Variants in PACRG observed in about 807,000 individuals in gnomAD.
The protein encoded by PACRG is parkin coregulated.
PACRG carries 29 observed loss-of-function variants against 29.7 expected under a neutral mutation model. The observed-to-expected ratio is 0.98, with a 90% CI of 0.73 to 1.33. The LOEUF is 1.33. Ranked by LOEUF, PACRG falls within the 40% of genes most tolerant of loss-of-function variation. The probability of loss-of-function intolerance (pLI) is 0.00; values close to 1 mark genes in which losing one functional copy is unlikely to be tolerated. For synonymous variants in PACRG, 116 were observed against 118.7 expected (o/e 0.98, Z 0.15); for missense variants, 279 against 316.2 (o/e 0.88, Z 0.89).
At chr6:162,785,498 G>T (rs557467711) in intron 1 of PACRG, among the ~76,000 whole-genome samples, 1 of 149,712 alleles carries the variant, frequency 6.7e-6, no homozygotes, top group East Asian at 2.0e-4. Flanking sequence ...ATACACCCAA[G>T]ATCAGTGGTC....
chr6:163,225,453 C>T (rs1383090348), intron 4 of PACRG, among the ~76,000 whole-genome samples: 1 of 152,232 alleles, frequency 6.6e-6, no homozygotes, highest in African/African-American at 2.4e-5. Context: ...TCTGCCATGA[C>T]TGTAAGTTTC....
chr6:162,936,594 A>G (rs941288871), intron 2 of PACRG, among the ~76,000 whole-genome samples: 3 of 152,118 alleles, frequency 2.0e-5, no homozygotes, highest in African/African-American at 7.2e-5. Context: ...ATGTTACTAT[A>G]TTATCCAAAA....
intron 2 of PACRG, among the ~76,000 whole-genome samples, chr6:162,863,523 G>A (rs1168569649): frequency 6.6e-6 from 1 of 152,196 alleles, no homozygotes; most frequent in East Asian, 1.9e-4. Flanking sequence ...AAAGAGGATG[G>A]CACTGCATAG....
chr6:163,076,871 C>T (rs1200892568), intron 3 of PACRG, among the ~76,000 whole-genome samples: 1 of 152,140 alleles, frequency 6.6e-6, no homozygotes, highest in Non-Finnish European at 1.5e-5. Context: ...CCTTCCCTCC[C>T]CGACATAACT....
At chr6:163,167,370 C>T (rs1386344592) in intron 4 of PACRG, among the ~76,000 whole-genome samples, 1 of 152,110 alleles carries the variant, frequency 6.6e-6, no homozygotes, top group Non-Finnish European at 1.5e-5. Flanking sequence ...ATCAGAGGGT[C>T]GCAGCTTAAT....
At chr6:163,064,715 T>C (rs1439054159) in intron 3 of PACRG, among the ~76,000 whole-genome samples, 1 of 152,212 alleles carries the variant, frequency 6.6e-6, no homozygotes, top group Non-Finnish European at 1.5e-5. Context: ...AAAGGGCTGA[T>C]GTACATAATT....
chr6:162,817,071 A>G (rs1301320717), intron 2 of PACRG, among the ~76,000 whole-genome samples: 1 of 152,222 alleles, frequency 6.6e-6, no homozygotes, highest in Non-Finnish European at 1.5e-5. Context: ...CTAAGTGAGA[A>G]GCAGGTCTGT....
intron 3 of PACRG, among the ~76,000 whole-genome samples, chr6:163,078,711 T>G (rs1449151786): frequency 6.6e-6 from 1 of 152,172 alleles, no homozygotes; most frequent in African/African-American, 2.4e-5. Context: ...TCTTCACTCC[T>G]GCTCCCATGT....
intron 2 of PACRG, among the ~76,000 whole-genome samples, chr6:162,995,741 C>A (rs1324960383): frequency 2.6e-5 from 4 of 152,230 alleles, no homozygotes; most frequent in Admixed American, 6.5e-5. Context: ...GGAGCTGTTC[C>A]TATTCGGCCA....
intron 3 of PACRG, among the ~76,000 whole-genome samples, chr6:163,074,881 T>G (rs544629341): frequency 1.3e-5 from 2 of 152,154 alleles, no homozygotes; most frequent in South Asian, 4.1e-4. Context: ...TCCCAGCTAC[T>G]GGAGTGGGAG....
intron 2 of PACRG, among the ~76,000 whole-genome samples, chr6:163,035,510 G>A (rs1041097212): frequency 2.2e-4 from 33 of 152,156 alleles, no homozygotes; most frequent in Admixed American, 1.8e-3. Flanking sequence ...AGCCAGGTAC[G>A]GTGGCAGGTG....
At chr6:163,025,381 A>C (rs2128223671) in intron 2 of PACRG, among the ~76,000 whole-genome samples, 1 of 152,372 alleles carries the variant, frequency 6.6e-6, no homozygotes, top group African/African-American at 2.4e-5. Context: ...AAACAACTTT[A>C]GTAAAGTTTC....
chr6:163,020,882 T>C (rs1356815937), intron 2 of PACRG, among the ~76,000 whole-genome samples: 1 of 152,096 alleles, frequency 6.6e-6, no homozygotes, highest in Non-Finnish European at 1.5e-5. Flanking sequence ...ATCAGCAAAA[T>C]GTCTACAATT....
At chr6:162,895,101 C>T (rs1214207609) in intron 2 of PACRG, among the ~76,000 whole-genome samples, 3 of 145,602 alleles carry the variant, frequency 2.1e-5, no homozygotes, top group Admixed American at 6.9e-5. Context: ...GTCTCTACCC[C>T]CCCGCCCCCA....
intron 4 of PACRG, among the ~76,000 whole-genome samples, chr6:163,106,734 A>C (rs889346633): frequency 6.6e-6 from 1 of 152,244 alleles, no homozygotes; most frequent in Admixed American, 6.5e-5. Flanking sequence ...TAGCTTCACT[A>C]TAGGTATCCT....
chr6:162,889,196 G>T (rs761939661), intron 2 of PACRG, among the ~76,000 whole-genome samples: 1 of 152,058 alleles, frequency 6.6e-6, no homozygotes, highest in Admixed American at 6.6e-5. Flanking sequence ...TCAAAGTCAT[G>T]AAGAACTGTA....
At chr6:162,826,639 T>A (rs1282071824) in intron 2 of PACRG, among the ~76,000 whole-genome samples, 2 of 151,966 alleles carry the variant, frequency 1.3e-5, no homozygotes, top group Non-Finnish European at 2.9e-5. Context: ...AATTTTGTAT[T>A]TTTAGTAGAG....
At chr6:163,012,592 C>T (rs1246567425) in intron 2 of PACRG, among the ~76,000 whole-genome samples, 1 of 152,358 alleles carries the variant, frequency 6.6e-6, no homozygotes, top group African/African-American at 2.4e-5. Context: ...TCTGTCTGAC[C>T]GACTGGGCAG....
intron 4 of PACRG, among the ~76,000 whole-genome samples, chr6:163,234,133 G>C (rs1330671115): frequency 1.3e-5 from 2 of 152,198 alleles, no homozygotes; most frequent in African/African-American, 2.4e-5. Context: ...CTAGGGTGCA[G>C]TTCTGAGTCT....
Sources: gnomAD v4.1 joint callset for allele counts (sites outside exome capture counted in the v4.1 genomes callset) on GRCh38, gnomAD v4.1.1 for gene constraint, MANE v1.5 for transcripts, NCBI Gene and HGNC (gene_info 2026-07-23, HGNC 2026-07-21) for gene names.